Variants in GSK3B observed in about 807,000 individuals in gnomAD.
The protein encoded by GSK3B is glycogen synthase kinase 3 beta, also known as glycogen synthase kinase-3 beta.
A neutral mutation model predicts 56.4 loss-of-function variants in GSK3B; 15 were observed. The observed-to-expected ratio is 0.27, with a 90% CI of 0.18 to 0.41. The LOEUF (loss-of-function observed/expected upper bound fraction) is 0.41. Ranked by LOEUF, GSK3B falls within the 10% of genes least tolerant of loss-of-function variation. The pLI is 1.00. For synonymous variants in GSK3B, 181 were observed against 188.9 expected, an observed-to-expected ratio of 0.96 and a Z score of 0.34; for missense variants, 300 against 513.4, an observed-to-expected ratio of 0.58 and a Z score of 4.02.
chr3:119,912,825 AT>A lies in GSK3B; in HGVS notation c.609-16del, dbSNP rs72546700. 8.9e-6 allele frequency: 12 copies of A among 1,344,924 alleles called. No individual in the cohort carries two copies. In the African/African-American group the frequency reaches 1.6e-4, roughly 18 times the overall value. 83.3% of individuals were successfully genotyped at this position (1,344,924 alleles called of 1,614,324 possible). A position where few individuals can be genotyped will look rare whatever the true frequency, so the allele number is the denominator to read the frequency against. On this transcript the variant is annotated splice_polypyrimidine_tract_variant and intron_variant, in intron 5 of 10. Transcript: ENST00000264235. ...GCTGCTTTGCACTAACAGAAAAAAA[AT>A]AAAAATAAAAAGCAGAAATTCTTTA...
intron 7 of GSK3B, among the ~76,000 whole-genome samples, chr3:119,897,806 A>G (rs1055867971): frequency 2.0e-5 from 3 of 151,358 alleles, no homozygotes; most frequent in South Asian, 4.2e-4. Flanking sequence ...AAAAAAAAAA[A>G]AAAAAGAAAA....
intron 7 of GSK3B, among the ~76,000 whole-genome samples, chr3:119,883,005 T>G (rs2056396382): frequency 6.6e-6 from 1 of 152,092 alleles, no homozygotes; most frequent in Admixed American, 6.6e-5. Context: ...AAAAAGCAAT[T>G]AACTAAAAAA....
chr3:119,955,469 C>G lies in GSK3B; in HGVS notation c.283-8118G>C, dbSNP rs144622659. Among the ~76,000 whole-genome samples the G allele has an allele frequency of 3.1e-3, 468 of 152,228 alleles. 1 individual carries two copies. Among genetic ancestry groups the G allele is most frequent in the Non-Finnish European group, 3.9e-3 (263 of 68,004 alleles). On this transcript the variant is annotated intron_variant, in intron 2 of 10. Transcript: ENST00000264235. Reference sequence around the variant, plus strand: ...TGGGTGAGCAAACCAACAACTATAACACAATGTGATTAAGTTGAGCTCATT... The same window carrying G: ...TGGGTGAGCAAACCAACAACTATAAGACAATGTGATTAAGTTGAGCTCATT...
intron 2 of GSK3B, among the ~76,000 whole-genome samples, chr3:119,949,269 T>C (rs540563928): frequency 6.6e-6 from 1 of 152,334 alleles, no homozygotes; most frequent in East Asian, 1.9e-4. Context: ...GATCTAAGTA[T>C]TCATCTACAT....
At chr3:119,983,338 CA>C (rs1218535677) in intron 2 of GSK3B, among the ~76,000 whole-genome samples, 1 of 152,074 alleles carries the variant, frequency 6.6e-6, no homozygotes, top group Admixed American at 6.5e-5. Context: ...ATGACAGGAA[CA>C]AATTCATATA....
intron 2 of GSK3B, among the ~76,000 whole-genome samples, chr3:119,961,259 G>A (rs2057268648): frequency 6.6e-6 from 1 of 152,138 alleles, no homozygotes; most frequent in Admixed American, 6.6e-5. Context: ...CTTCAGCCAA[G>A]CTCTGGCTCA....
At chr3:120,041,586 A>T (rs1418125707) in intron 1 of GSK3B, 1 of 156,564 alleles carries the variant, frequency 6.4e-6, no homozygotes, top group African/African-American at 2.4e-5. Flanking sequence ...GTATGAGGCT[A>T]CTCTGTTAAA....
chr3:119,969,883 T>C (rs985436793), intron 2 of GSK3B, among the ~76,000 whole-genome samples: 6 of 152,210 alleles, frequency 3.9e-5, no homozygotes, highest in Non-Finnish European at 8.8e-5. Flanking sequence ...ATTGCCATCG[T>C]TCTGAGTAGC....
intron 2 of GSK3B, among the ~76,000 whole-genome samples, chr3:119,960,884 G>T (rs1377559614): frequency 1.3e-5 from 2 of 151,954 alleles, no homozygotes; most frequent in Non-Finnish European, 2.9e-5. Flanking sequence ...GTTTATTGTT[G>T]TATGTCTAGA....
intron 1 of GSK3B, among the ~76,000 whole-genome samples, chr3:120,074,664 GA>G (rs2058354915): frequency 6.6e-6 from 1 of 151,912 alleles, no homozygotes; most frequent in Non-Finnish European, 1.5e-5. Flanking sequence ...TGATAACTTA[GA>G]AGAAAAGAAT....
At chr3:119,867,000 T>C (rs1471465017) in intron 8 of GSK3B, among the ~76,000 whole-genome samples, 1 of 152,206 alleles carries the variant, frequency 6.6e-6, no homozygotes, top group African/African-American at 2.4e-5. Context: ...TAAAATGGTC[T>C]TCTATGACCT....
intron 1 of GSK3B, among the ~76,000 whole-genome samples, chr3:120,022,491 T>C (rs1485462097): frequency 1.3e-5 from 2 of 152,166 alleles, no homozygotes; most frequent in Non-Finnish European, 1.5e-5. Context: ...CAAATCCATA[T>C]TGGTTTTTGT....
chr3:119,881,148 G>C (rs2056374299), intron 7 of GSK3B, among the ~76,000 whole-genome samples: 1 of 152,136 alleles, frequency 6.6e-6, no homozygotes, highest in Non-Finnish European at 1.5e-5. Context: ...GACTAAACCA[G>C]AGCTACACAT....
chr3:119,833,411 A>G (rs1403018002), intron 10 of GSK3B, among the ~76,000 whole-genome samples: 7 of 152,058 alleles, frequency 4.6e-5, no homozygotes, highest in Non-Finnish European at 1.5e-5. Context: ...AATGCTCACT[A>G]TCTGGCCCAG....
intron 9 of GSK3B, among the ~76,000 whole-genome samples, chr3:119,856,249 G>A (rs951232106): frequency 6.6e-6 from 1 of 152,184 alleles, no homozygotes; most frequent in African/African-American, 2.4e-5. Flanking sequence ...TGTAGTTAAA[G>A]GGAACTAGGC....
chr3:119,959,092 T>A (rs1055330177), intron 2 of GSK3B, among the ~76,000 whole-genome samples: 13 of 152,210 alleles, frequency 8.5e-5, no homozygotes, highest in African/African-American at 3.1e-4. Context: ...TCCAGGACAC[T>A]AAATTATCTT....
chr3:119,836,220 AT>A (rs2055688056), intron 10 of GSK3B, among the ~76,000 whole-genome samples: 1 of 152,210 alleles, frequency 6.6e-6, no homozygotes, highest in South Asian at 2.1e-4. Flanking sequence ...ATAGAAAAGC[AT>A]AAACAAAATT....
intron 9 of GSK3B, among the ~76,000 whole-genome samples, chr3:119,854,053 G>A (rs1237460150): frequency 6.6e-6 from 1 of 152,124 alleles, no homozygotes; most frequent in Non-Finnish European, 1.5e-5. Context: ...TATTGGCTGT[G>A]GGTTTGTCAT....
chr3:120,064,194 A>G (rs530290627), intron 1 of GSK3B, among the ~76,000 whole-genome samples: 1 of 151,874 alleles, frequency 6.6e-6, no homozygotes, highest in Admixed American at 6.5e-5. Flanking sequence ...AAAAAGTATA[A>G]AGCTAAGAAA....
Sources: allele counts gnomAD v4.1 joint callset (sites outside exome capture counted in the v4.1 genomes callset), GRCh38; gene constraint gnomAD v4.1.1; transcripts MANE v1.5; gene names NCBI Gene and HGNC (gene_info 2026-07-23, HGNC 2026-07-21).